LARGE1: variants seen among roughly 807,000 people sequenced by gnomAD.
LARGE1 encodes LARGE xylosyl- and glucuronyltransferase 1.
LARGE1 carries 43 observed loss-of-function variants against 87.6 expected under a neutral mutation model. That is an observed-to-expected ratio of 0.49 (90% confidence interval 0.38 to 0.63). The LOEUF (loss-of-function observed/expected upper bound fraction) is 0.63. Among genes scored for constraint, LARGE1 ranks in the 30% least tolerant of loss-of-function variants. LARGE1 has a pLI of 0.00. For synonymous variants in LARGE1, 434 were observed against 394.6 expected (o/e 1.10, Z -1.18); for missense variants, 802 against 1,000.2 (o/e 0.80, Z 2.67).
intron 9 of LARGE1, among the ~76,000 whole-genome samples, chr22:33,347,729 G>A (rs981452487): frequency 2.6e-5 from 4 of 152,288 alleles, no homozygotes; most frequent in South Asian, 4.1e-4. Context: ...TAGTTGCTAT[G>A]TAACCTGCAC....
At chr22:33,298,330 A>T (rs1157044751) in intron 12 of LARGE1, among the ~76,000 whole-genome samples, 1 of 152,220 alleles carries the variant, frequency 6.6e-6, no homozygotes, top group Non-Finnish European at 1.5e-5. Flanking sequence ...CACCTGAAAC[A>T]GTGCCTGGCC....
At chr22:33,366,789 G>T (rs1447807321) in intron 9 of LARGE1, among the ~76,000 whole-genome samples, 2 of 152,004 alleles carry the variant, frequency 1.3e-5, no homozygotes. Context: ...TTTATTAACA[G>T]CATGAGAACA....
At position 33,197,791 on chromosome 22, in the gene LARGE1, A is replaced by G. The variant is rs188222160; in HGVS notation, c.1731-30959T>C. The stretch of plus-strand genomic sequence containing the variant: ...AGAGGCACTGATAATCTAATCCTAA[A>G]ATTGTTATGTAAATATAAAAGGCCT... On this transcript the variant is annotated intron_variant, in intron 11 of 11. Coordinates refer to the LARGE1 transcript ENST00000608642. Among the ~76,000 whole-genome samples the G allele has an allele frequency of 2.9e-3, 446 of 152,292 alleles. 2 individuals carry two copies. The highest frequency in any genetic ancestry group is 1.0e-2 in the African/African-American group (415 of 41,580).
At chr22:33,089,576 C>T in the LARGE1 span, among the ~76,000 whole-genome samples, 1 of 151,822 alleles carries the variant, frequency 6.6e-6, no homozygotes, top group Admixed American at 6.6e-5. Context: ...TAGCACACTG[C>T]AACCTTGAAC....
At chr22:33,539,199 A>G (rs2077121650) in intron 6 of LARGE1, among the ~76,000 whole-genome samples, 1 of 152,142 alleles carries the variant, frequency 6.6e-6, no homozygotes, top group Admixed American at 6.6e-5. Flanking sequence ...TGTGAAAAGT[A>G]TGGTTGGCCC....
intron 1 of LARGE1, among the ~76,000 whole-genome samples, chr22:33,767,967 C>G (rs2084955437): frequency 6.6e-6 from 1 of 152,212 alleles, no homozygotes. Context: ...AGGTGCTGTC[C>G]CAGCACCTGA....
intron 11 of LARGE1, among the ~76,000 whole-genome samples, chr22:33,214,680 T>C (rs1925121347): frequency 6.6e-6 from 1 of 152,184 alleles, no homozygotes; most frequent in Non-Finnish European, 1.5e-5. Context: ...TCATACCTAC[T>C]TGGCTGAGAG....
chr22:33,901,528 G>A (rs2065282353), intron 1 of LARGE1, among the ~76,000 whole-genome samples: 2 of 152,158 alleles, frequency 1.3e-5, no homozygotes, highest in African/African-American at 4.8e-5. Context: ...CTAATTAGTT[G>A]GGTGAGGTGG....
the LARGE1 span, among the ~76,000 whole-genome samples, chr22:33,115,815 C>CAAAAAA: frequency 9.2e-5 from 9 of 97,956 alleles, no homozygotes; most frequent in African/African-American, 3.9e-4. Context: ...GACTCTGTCT[C>CAAAAAA]AAAAAAAAAA....
chr22:33,781,878 A>G (rs772155323), intron 1 of LARGE1, among the ~76,000 whole-genome samples: 18 of 152,260 alleles, frequency 1.2e-4, no homozygotes, highest in Admixed American at 6.5e-4. Context: ...CGTGGATAAC[A>G]GAAAGCAGCA....
intron 1 of LARGE1, among the ~76,000 whole-genome samples, chr22:33,763,607 G>T (rs995106027): frequency 6.6e-6 from 1 of 152,134 alleles, no homozygotes; most frequent in African/African-American, 2.4e-5. Context: ...AGAGATGTGG[G>T]TTCAAGCCCA....
intron 12 of LARGE1, among the ~76,000 whole-genome samples, chr22:33,286,381 T>TA (rs1462493542): frequency 6.6e-6 from 1 of 152,140 alleles, no homozygotes; most frequent in Non-Finnish European, 1.5e-5. Flanking sequence ...TATATGGATC[T>TA]AAAGAATATA....
the LARGE1 span, among the ~76,000 whole-genome samples, chr22:33,119,031 CTAAGCTT>C: frequency 6.6e-6 from 1 of 152,184 alleles, no homozygotes. Flanking sequence ...TTCAAATGGA[CTAAGCTT>C]TAAGGTTTCC....
intron 6 of LARGE1, among the ~76,000 whole-genome samples, chr22:33,513,572 G>A (rs1386575226): frequency 6.6e-6 from 1 of 152,128 alleles, no homozygotes; most frequent in East Asian, 1.9e-4. Context: ...AGGAGGCAGC[G>A]AGATGCAACT....
At chr22:33,904,601 C>A (rs1300082617) in intron 1 of LARGE1, among the ~76,000 whole-genome samples, 1 of 152,188 alleles carries the variant, frequency 6.6e-6, no homozygotes, top group Admixed American at 6.5e-5. Flanking sequence ...GAAGGCAGAG[C>A]CAGGCGTGGG....
At chr22:33,647,164 C>A (rs1437801200) in intron 3 of LARGE1, among the ~76,000 whole-genome samples, 1 of 152,214 alleles carries the variant, frequency 6.6e-6, no homozygotes, top group African/African-American at 2.4e-5. Flanking sequence ...CATGGATACA[C>A]ATTTTTGATA....
At chr22:33,554,873 T>C (rs1184943532) in intron 6 of LARGE1, among the ~76,000 whole-genome samples, 3 of 152,218 alleles carry the variant, frequency 2.0e-5, no homozygotes, top group Admixed American at 1.3e-4. Context: ...ATTTGACAAA[T>C]AGTTATCGGG....
chr22:33,499,774 T>C (rs1237871464), intron 6 of LARGE1, among the ~76,000 whole-genome samples: 3 of 152,148 alleles, frequency 2.0e-5, no homozygotes, highest in Non-Finnish European at 4.4e-5. Flanking sequence ...ATAAAACATG[T>C]AAATTTTTTC....
chr22:33,415,425 C>A (rs560030573), intron 7 of LARGE1, among the ~76,000 whole-genome samples: 1 of 152,154 alleles, frequency 6.6e-6, no homozygotes, highest in African/African-American at 2.4e-5. Flanking sequence ...ATCCTGGAAG[C>A]CTTACATTGC....
Sources: gnomAD v4.1 joint callset for allele counts (sites outside exome capture counted in the v4.1 genomes callset) on GRCh38, gnomAD v4.1.1 for gene constraint, MANE v1.5 for transcripts, NCBI Gene and HGNC (gene_info 2026-07-23, HGNC 2026-07-21) for gene names.